ECHDC2: variants seen among roughly 807,000 people sequenced by gnomAD.
The protein encoded by ECHDC2 is enoyl-CoA hydratase domain-containing protein 2, mitochondrial.
ECHDC2 carries 34 observed loss-of-function variants against 40.6 expected under a neutral mutation model. That is an observed-to-expected ratio of 0.84 (90% CI 0.64 to 1.11). The LOEUF is 1.11. ECHDC2 is among the 50% of genes most tolerant of loss of function. The probability of loss-of-function intolerance (pLI) is 0.00; values close to 1 mark genes in which losing one functional copy is unlikely to be tolerated. For missense variants in ECHDC2, 392 were observed against 400.7 expected (o/e 0.98, Z 0.19); for synonymous variants, 162 against 166.6 (o/e 0.97, Z 0.21).
chr1:52,915,002 G>A (rs1310802334), intron 1 of ECHDC2: 3 of 292,218 alleles, frequency 1.0e-5, no homozygotes. Context: ...TCAAAATAAA[G>A]TTCAACTCCT....
At chr1:52,920,752 A>C (rs572778561) in intron 1 of ECHDC2, among the ~76,000 whole-genome samples, 2 of 152,300 alleles carry the variant, frequency 1.3e-5, no homozygotes, top group East Asian at 3.9e-4. Context: ...GTTAAAAAAA[A>C]AAAAGAAGCA....
intron 6 of ECHDC2, 65 bp downstream of exon 6, chr1:52,904,969 A>G (rs752242268): frequency 6.8e-6 from 11 of 1,611,114 alleles, no homozygotes; most frequent in Non-Finnish European, 6.8e-6. Flanking sequence ...ACAGAGGGCA[A>G]AAAAGGAAAG....
At chr1:52,900,848 A>C (rs1329683935) in intron 7 of ECHDC2, 1 of 152,214 alleles carries the variant, frequency 6.6e-6, no homozygotes, top group Admixed American at 6.5e-5. Flanking sequence ...GTTATTATTT[A>C]GGTAACTACC....
chr1:52,904,915 A>T (rs1647362334), intron 6 of ECHDC2, 82 bp from the exon 7 acceptor site: 1 of 1,596,046 alleles, frequency 6.3e-7, no homozygotes, highest in Non-Finnish European at 8.6e-7. Flanking sequence ...CTCAGCCAAG[A>T]CTTCTCAGAG....
intron 3 of ECHDC2, among the ~76,000 whole-genome samples, chr1:52,911,071 G>A (rs939784956): frequency 2.0e-5 from 3 of 152,108 alleles, no homozygotes; most frequent in African/African-American, 7.2e-5. Context: ...CCGCCTCCCG[G>A]GTTCAAGCAA....
At chr1:52,904,150 G>C (rs1647202511) in intron 7 of ECHDC2, among the ~76,000 whole-genome samples, 1 of 152,130 alleles carries the variant, frequency 6.6e-6, no homozygotes, top group Non-Finnish European at 1.5e-5. Context: ...CCACCAGGCA[G>C]TATGGTAGGA....
intron 5 of ECHDC2, chr1:52,905,689 A>T (rs1479917241): frequency 6.3e-6 from 1 of 159,276 alleles, no homozygotes; most frequent in African/African-American, 2.4e-5. Flanking sequence ...AGCATGGACC[A>T]TGTGAACGTG....
intron 5 of ECHDC2, 184 bp from the exon 6 acceptor site, chr1:52,905,274 G>A (rs1418077506): frequency 3.2e-6 from 2 of 618,846 alleles, no homozygotes; most frequent in Admixed American, 2.9e-5. Context: ...CAGGAGCCCA[G>A]GCCCTTATTT....
In ECHDC2 at chr1:52,921,651, A is replaced by G. The variant is rs1419527291; in HGVS notation, c.23T>C (p.Leu8Pro). The part of the protein sequence containing the change: MLRVLCL[L>P]RPWRPLRARG... Reference sequence around the variant, plus strand: ...GGCCCGAAGGGGCCTCCAGGGGCGCAGGAGGCACAGAACGCGCAGCATCGG... The same window carrying G: ...GGCCCGAAGGGGCCTCCAGGGGCGCGGGAGGCACAGAACGCGCAGCATCGG... Residue 8 changes from leucine to proline, a missense_variant, in exon 1 of 10, where the codon CTG becomes CCG. By Grantham distance (98) the Leu-to-Pro change is moderately conservative. Coordinates refer to ENST00000371522, the MANE Select transcript of ECHDC2 (RefSeq NM_001198961.2). 5 of 1,581,588 alleles carry G rather than the reference A, an allele frequency of 3.2e-6. No individual in the cohort carries two copies. Among genetic ancestry groups the G allele is most frequent in the Non-Finnish European group, 4.3e-6 (5 of 1,165,342 alleles).
At chr1:52,896,955 C>T in intron 9 of ECHDC2, 1 of 306,440 alleles carries the variant, frequency 3.3e-6, no homozygotes, top group Non-Finnish European at 6.1e-6. Context: ...ACACTAGTTT[C>T]TCCAAGTCCC....
chr1:52,913,775 G>A (rs908079564), intron 1 of ECHDC2: 24 of 259,838 alleles, frequency 9.2e-5, no homozygotes, highest in African/African-American at 3.9e-4. Flanking sequence ...GTCGCCACCC[G>A]GGGGCCCTAG....
At chr1:52,904,062 C>T (rs1034376791) in intron 7 of ECHDC2, among the ~76,000 whole-genome samples, 3 of 152,192 alleles carry the variant, frequency 2.0e-5, no homozygotes, top group South Asian at 2.1e-4. Context: ...GTGATACACC[C>T]GCCTCAGCCT....
Position 52,911,623 on chromosome 1 carries a change from C to A in ECHDC2, c.220G>T (p.Asp74Tyr). The A allele has an allele frequency of 6.2e-7, 1 of 1,614,188 alleles. No homozygotes were observed. Reference sequence around the variant, plus strand: ...AAGAGCAGGACACGCACTTGCCGGTCCTCCCGCAGCTGGGCCAGAGTTTCC... The same window carrying A: ...AAGAGCAGGACACGCACTTGCCGGTACTCCCGCAGCTGGGCCAGAGTTTCC... ...LLETLAQLRE[D>Y]RQVRVLLFRS... Residue 74 changes from aspartate to tyrosine, a missense_variant, in exon 3 of 10, where the codon GAC becomes TAC. Coordinates refer to ENST00000371522, the MANE Select transcript of ECHDC2 (RefSeq NM_001198961.2).
At chr1:52,921,315 C>A in intron 1 of ECHDC2, 1 of 918,296 alleles carries the variant, frequency 1.1e-6, no homozygotes, top group South Asian at 2.4e-5. Flanking sequence ...TCGGAAGACC[C>A]CAAAGGGCCT....
At chr1:52,898,928 C>T in intron 8 of ECHDC2, 1 of 573,164 alleles carries the variant, frequency 1.7e-6, no homozygotes, top group Non-Finnish European at 3.1e-6. Flanking sequence ...AATCATTTAC[C>T]CTTTCTTAAC....
chr1:52,911,886 G>C, intron 1 of ECHDC2, 96 bp from the exon 2 acceptor site: 1 of 1,549,492 alleles, frequency 6.5e-7, no homozygotes, highest in South Asian at 1.2e-5. Context: ...GGGATCTGGG[G>C]AGCCTCTGCC....
intron 7 of ECHDC2, among the ~76,000 whole-genome samples, chr1:52,904,063 G>A (rs1415724776): frequency 1.3e-5 from 2 of 151,976 alleles, no homozygotes; most frequent in African/African-American, 2.4e-5. Context: ...TGATACACCC[G>A]CCTCAGCCTC....
Position 52,914,681 on chromosome 1 carries a change from C to T in ECHDC2, c.122-2891G>A, listed in dbSNP as rs1650286563. The stretch of plus-strand genomic sequence containing the variant: ...TGGTATGTCCTGCTCCATTGATGAG[C>T]CAATGACCTTGCTATCAACTCAGAA... On this transcript the variant is annotated intron_variant, in intron 1 of 9. Coordinates refer to ENST00000371522, the MANE Select transcript of ECHDC2 (RefSeq NM_001198961.2). This position sits in a 1 kb window ranked among gnomAD's most constrained non-coding sequence, Gnocchi z 4.0. Among the ~76,000 whole-genome samples, 1 of 152,124 alleles carries T rather than the reference C, an allele frequency of 6.6e-6. No individual in the cohort carries two copies. Among genetic ancestry groups the T allele is most frequent in the Non-Finnish European group, 1.5e-5 (1 of 68,004 alleles).
Position 52,906,534 on chromosome 1 carries a change from C to A in ECHDC2, c.442G>T (p.Asp148Tyr). ...GGGLELALAC[D>Y]LRVAASSAVM... Reference sequence around the variant, plus strand: ...GGCCCAGTACCTGCCACTCGGAGGTCACAGGCCAGGGCAAGCTCTAGGCCT... The same window carrying A: ...GGCCCAGTACCTGCCACTCGGAGGTAACAGGCCAGGGCAAGCTCTAGGCCT... The change falls in exon 5 of 10, where the codon GAC becomes TAC. Residue 148 changes from aspartate (D) to tyrosine (Y), a missense_variant. Coordinates refer to ENST00000371522, the MANE Select transcript of ECHDC2 (RefSeq NM_001198961.2). The A allele has an allele frequency of 6.2e-7, 1 of 1,612,126 alleles. No homozygotes were observed. The highest frequency in any genetic ancestry group is 1.1e-5 in the South Asian group (1 of 90,716).
Sources: allele counts gnomAD v4.1 joint callset (sites outside exome capture counted in the v4.1 genomes callset), GRCh38; gene constraint gnomAD v4.1.1; non-coding constraint Gnocchi (gnomAD v3.1); transcripts MANE v1.5; gene names NCBI Gene and HGNC (gene_info 2026-07-23, HGNC 2026-07-21).